Variants in WWOX observed in about 807,000 individuals in gnomAD.
WWOX encodes the protein WW domain containing oxidoreductase.
A neutral mutation model predicts 46.2 loss-of-function variants in WWOX; 69 were observed. The ratio of observed to expected loss-of-function variants is 1.49; its 90% CI spans 1.23 to 1.82. The LOEUF (loss-of-function observed/expected upper bound fraction) is 1.82. Ranked by LOEUF, WWOX falls within the 40% of genes most tolerant of loss-of-function variation. The pLI is 0.00. For missense variants in WWOX, 919 were observed against 542.6 expected (o/e 1.69, Z -6.89); for synonymous variants, 359 against 202.6 (o/e 1.77, Z -6.56).
intron 8 of WWOX, chr16:78,756,827 T>A (rs761733349): frequency 1.5e-6 from 1 of 665,976 alleles, no homozygotes; most frequent in South Asian, 1.6e-5. Context: ...CACCTAATAC[T>A]ACTGACCTGT....
chr16:78,301,252 T>C (rs187971668), intron 5 of WWOX, among the ~76,000 whole-genome samples: 1 of 152,362 alleles, frequency 6.6e-6, no homozygotes, highest in Admixed American at 6.5e-5. Flanking sequence ...TTATAGCTTT[T>C]TGTTTTCAAT....
At chr16:78,326,564 CT>C (rs2080622537) in intron 5 of WWOX, among the ~76,000 whole-genome samples, 2 of 63,972 alleles carry the variant, frequency 3.1e-5, no homozygotes, top group African/African-American at 1.6e-4. Context: ...TTATTTCTGC[CT>C]GCCCTCCCCC....
intron 8 of WWOX, among the ~76,000 whole-genome samples, chr16:78,504,424 T>C (rs1259152834): frequency 1.3e-5 from 2 of 152,228 alleles, no homozygotes; most frequent in African/African-American, 4.8e-5. Context: ...TCTCTCAGAA[T>C]GCGTTTGTCT....
chr16:78,703,475 G>T (rs1412122684), intron 8 of WWOX, among the ~76,000 whole-genome samples: 1 of 151,892 alleles, frequency 6.6e-6, no homozygotes, highest in Admixed American at 6.6e-5. Flanking sequence ...AATTAGCTGG[G>T]GATGGTGGCT....
chr16:78,105,721 C>T (rs1036027482), intron 1 of WWOX, among the ~76,000 whole-genome samples: 3 of 152,194 alleles, frequency 2.0e-5, no homozygotes, highest in Admixed American at 1.3e-4. Flanking sequence ...GCTTCACCTT[C>T]TAAGGGCTGG....
At chr16:79,067,653 T>C (rs2048467729) in intron 8 of WWOX, among the ~76,000 whole-genome samples, 1 of 151,506 alleles carries the variant, frequency 6.6e-6, no homozygotes, top group Non-Finnish European at 1.5e-5. Context: ...GGGGCACTTA[T>C]CACCACCTGC....
At chr16:78,343,813 A>C (rs72794033) in intron 5 of WWOX, among the ~76,000 whole-genome samples, 13,793 of 119,888 alleles carry the variant, frequency 0.12, 4,183 homozygotes, top group East Asian at 0.21. Flanking sequence ...TTTGTCATTC[A>C]GCTGCTTTAA....
chr16:78,769,213 T>C (rs1212945415), intron 8 of WWOX, among the ~76,000 whole-genome samples: 4 of 152,156 alleles, frequency 2.6e-5, no homozygotes, highest in Non-Finnish European at 4.4e-5. Flanking sequence ...ATTTCATGAG[T>C]GCTTACTATA....
chr16:78,938,669 A>G (rs889799354), intron 8 of WWOX, among the ~76,000 whole-genome samples: 1 of 152,138 alleles, frequency 6.6e-6, no homozygotes, highest in African/African-American at 2.4e-5. Flanking sequence ...GTACTAACTA[A>G]TGGGGAGATA....
At chr16:78,507,023 C>T (rs1208748022) in intron 8 of WWOX, among the ~76,000 whole-genome samples, 2 of 152,122 alleles carry the variant, frequency 1.3e-5, no homozygotes, top group Non-Finnish European at 2.9e-5. Context: ...CTCAGGGTCC[C>T]TTCTAACCTG....
intron 8 of WWOX, among the ~76,000 whole-genome samples, chr16:78,656,283 G>T (rs189581654): frequency 2.6e-5 from 4 of 151,880 alleles, no homozygotes; most frequent in Non-Finnish European, 4.4e-5. Context: ...CCTTTTTTGG[G>T]ATCACCCACT....
At chr16:78,649,570 C>T (rs972764558) in intron 8 of WWOX, among the ~76,000 whole-genome samples, 2 of 152,188 alleles carry the variant, frequency 1.3e-5, no homozygotes, top group African/African-American at 4.8e-5. Flanking sequence ...AGCTACTTCC[C>T]CAGGCTCTTC....
chr16:78,269,949 T>A (rs79298971), intron 5 of WWOX, among the ~76,000 whole-genome samples: 3,212 of 135,982 alleles, frequency 0.024, 124 homozygotes, highest in African/African-American at 0.089. Flanking sequence ...ACCAGGTATT[T>A]TTTTGTGGAG....
At chr16:78,537,297 C>G (rs193278198) in intron 8 of WWOX, among the ~76,000 whole-genome samples, 11 of 152,234 alleles carry the variant, frequency 7.2e-5, no homozygotes, top group Admixed American at 5.2e-4. Flanking sequence ...TGTTATCTGA[C>G]TTAATCTTTG....
chr16:78,302,772 C>G (rs547235728), intron 5 of WWOX, among the ~76,000 whole-genome samples: 7 of 152,184 alleles, frequency 4.6e-5, no homozygotes, highest in South Asian at 2.1e-4. Context: ...AGTTTGCTAC[C>G]TGTTACTTGG....
chr16:78,686,101 C>G (rs2047850840), intron 8 of WWOX, among the ~76,000 whole-genome samples: 1 of 152,148 alleles, frequency 6.6e-6, no homozygotes, highest in Non-Finnish European at 1.5e-5. Context: ...GAAAGACATT[C>G]ATACAGTCAG....
At chr16:78,896,219 A>T (rs1464054717) in intron 8 of WWOX, 1 of 151,330 alleles carries the variant, frequency 6.6e-6, no homozygotes. Flanking sequence ...GCACTTACCC[A>T]TTTGAAAAAA....
chr16:79,100,196 G>T (rs59608587), intron 8 of WWOX, among the ~76,000 whole-genome samples: 6,784 of 152,072 alleles, frequency 0.045, 545 homozygotes, highest in African/African-American at 0.16. Context: ...CCTAGCCAGG[G>T]TGGCAAACAA....
intron 8 of WWOX, among the ~76,000 whole-genome samples, chr16:78,584,818 G>A (rs529224037): frequency 2.6e-5 from 4 of 152,340 alleles, no homozygotes; most frequent in African/African-American, 9.6e-5. Flanking sequence ...GTGTGCACGT[G>A]TAAAAGTTCA....
Sources: gnomAD v4.1 joint callset for allele counts (sites outside exome capture counted in the v4.1 genomes callset) on GRCh38, gnomAD v4.1.1 for gene constraint, MANE v1.5 for transcripts, NCBI Gene and HGNC (gene_info 2026-07-23, HGNC 2026-07-21) for gene names.